The following ADAM12 variants were observed in gnomAD, a reference collection of about 807,000 sequenced individuals.
ADAM12 encodes disintegrin and metalloproteinase domain-containing protein 12.
A neutral mutation model predicts 106.4 loss-of-function variants in ADAM12; 70 were observed. That is an observed-to-expected ratio of 0.66 (90% CI 0.54 to 0.80). The LOEUF is 0.80. Ranked by LOEUF, ADAM12 falls within the 30% of genes least tolerant of loss-of-function variation. The probability of loss-of-function intolerance (pLI) is 0.00; values close to 1 mark genes in which losing one functional copy is unlikely to be tolerated. For synonymous variants in ADAM12, 420 were observed against 433.5 expected (o/e 0.97, Z 0.39); for missense variants, 1,010 against 1,171.9 (o/e 0.86, Z 2.02).
intron 1 of ADAM12, among the ~76,000 whole-genome samples, chr10:126,346,923 C>T (rs1043039767): frequency 1.3e-5 from 2 of 152,174 alleles, no homozygotes; most frequent in African/African-American, 4.8e-5. Flanking sequence ...TGTCTCTGCA[C>T]ATGAGATGGG....
chr10:126,232,139 A>G (rs1958324646), intron 3 of ADAM12, among the ~76,000 whole-genome samples: 1 of 152,226 alleles, frequency 6.6e-6, no homozygotes, highest in Admixed American at 6.5e-5. Context: ...TACCAAAAGG[A>G]CTTTGCTGAT....
In ADAM12 at chr10:126,312,000, G is replaced by A. The variant is rs139461215; in HGVS notation, c.186+18412C>T. Reference sequence around the variant, plus strand: ...TGGGGACCCTCTATTTGCAATTGGCGTCTGAAGTGGAGCATCTTGTGGGAT... The same window carrying A: ...TGGGGACCCTCTATTTGCAATTGGCATCTGAAGTGGAGCATCTTGTGGGAT... On this transcript the variant is annotated intron_variant, in intron 2 of 22. Transcript: ENST00000448723. 1.4e-3 allele frequency among the ~76,000 whole-genome samples: 216 copies of A among 152,148 alleles called. 2 individuals are homozygous for A. The highest frequency in any genetic ancestry group is 4.3e-3 in the African/African-American group (179 of 41,504).
chr10:126,123,802 G>A (rs1019637642), intron 5 of ADAM12, among the ~76,000 whole-genome samples: 5 of 152,254 alleles, frequency 3.3e-5, no homozygotes, highest in Non-Finnish European at 7.3e-5. Flanking sequence ...GAAAAAAGCA[G>A]AATTAAAAAT....
In ADAM12 at chr10:126,266,257, G is replaced by T. The variant is rs555123192; in HGVS notation, c.260+12658C>A. ...GGGGGCCCTCCCATTGCTGATGCTGGGGAGAATGGAAATGGGGGTATCTAA... is the reference window on the plus strand; with the variant it reads ...GGGGGCCCTCCCATTGCTGATGCTGTGGAGAATGGAAATGGGGGTATCTAA... On this transcript the variant is annotated intron_variant, in intron 3 of 22. Coordinates refer to ENST00000448723, the MANE Select transcript of ADAM12 (RefSeq NM_001288973.2). Among the ~76,000 whole-genome samples the T allele has an allele frequency of 1.5e-4, 23 of 152,276 alleles. 1 individual carries two copies. In the South Asian group the frequency reaches 4.8e-3, roughly 32 times the overall value.
intron 19 of ADAM12, 91 bp downstream of exon 19, chr10:126,039,203 T>C: frequency 6.7e-7 from 1 of 1,492,970 alleles, no homozygotes. Flanking sequence ...CGCCTCAGCC[T>C]CCCAAAGTGC....
intron 1 of ADAM12, among the ~76,000 whole-genome samples, chr10:126,386,027 C>T (rs1052102102): frequency 2.0e-4 from 31 of 151,964 alleles, no homozygotes; most frequent in African/African-American, 7.0e-4. Flanking sequence ...AGGCACACTT[C>T]GGGATGTAAG....
chr10:126,188,407 C>T (rs1008623503), intron 3 of ADAM12, among the ~76,000 whole-genome samples: 2 of 152,164 alleles, frequency 1.3e-5, no homozygotes, highest in South Asian at 2.1e-4. Context: ...AAACGTGCAT[C>T]GAAATTCCTT....
intron 3 of ADAM12, among the ~76,000 whole-genome samples, chr10:126,169,165 G>C (rs1957076313): frequency 6.6e-6 from 1 of 152,112 alleles, no homozygotes; most frequent in Non-Finnish European, 1.5e-5. Flanking sequence ...GGTTTCCCAA[G>C]TCCACCACCC....
intron 5 of ADAM12, among the ~76,000 whole-genome samples, chr10:126,120,954 AATAT>A (rs1491214727): frequency 7.2e-6 from 1 of 137,968 alleles, no homozygotes; most frequent in Non-Finnish European, 1.5e-5. Context: ...TATGTAATAT[AATAT>A]ATATTATATA....
chr10:126,162,620 G>A (rs1956956149), intron 3 of ADAM12, among the ~76,000 whole-genome samples: 1 of 152,098 alleles, frequency 6.6e-6, no homozygotes, highest in African/African-American at 2.4e-5. Flanking sequence ...AGACTTGGAG[G>A]GGAAAGAGAA....
intron 3 of ADAM12, among the ~76,000 whole-genome samples, chr10:126,251,950 G>C (rs1958783849): frequency 6.6e-6 from 1 of 150,518 alleles, no homozygotes; most frequent in Non-Finnish European, 1.5e-5. Context: ...GGGATGATGG[G>C]ATGGATAGAA....
At chr10:126,031,806 C>T (rs1953975660) in intron 21 of ADAM12, among the ~76,000 whole-genome samples, 1 of 151,978 alleles carries the variant, frequency 6.6e-6, no homozygotes, top group East Asian at 1.9e-4. Context: ...CTGAAGATCT[C>T]CACCTCTGCA....
rs1244441932 is a variant in ADAM12, at chr10:126,315,812, A to G, written c.186+14600T>C. Among the ~76,000 whole-genome samples, 7 of 152,218 alleles carry G rather than the reference A, an allele frequency of 4.6e-5. No individual in the cohort carries two copies. In the East Asian group the frequency reaches 1.3e-3, roughly 29 times the overall value. ...TTTCCACAGCAGATCCAGACATGAA[A>G]ATCGCAGGACAGCAAATGCCCACTC... On this transcript the variant is annotated intron_variant, in intron 2 of 22. Coordinates refer to ENST00000448723, the MANE Select transcript of ADAM12 (RefSeq NM_001288973.2).
At chr10:126,104,146 C>T (rs1955719593) in intron 8 of ADAM12, among the ~76,000 whole-genome samples, 2 of 152,056 alleles carry the variant, frequency 1.3e-5, no homozygotes, top group Non-Finnish European at 2.9e-5. Flanking sequence ...GTGAAAATAT[C>T]CTAAGAAATT....
At chr10:126,069,422 G>A (rs891195969) in intron 12 of ADAM12, among the ~76,000 whole-genome samples, 3 of 152,322 alleles carry the variant, frequency 2.0e-5, no homozygotes, top group Non-Finnish European at 4.4e-5. Flanking sequence ...CTTAACCGCA[G>A]AAATACAAAG....
intron 22 of ADAM12, 95 bp downstream of exon 22, chr10:126,019,600 T>A (rs745938889): frequency 6.6e-7 from 1 of 1,503,860 alleles, no homozygotes; most frequent in Non-Finnish European, 9.0e-7. Context: ...AAGCACGGCC[T>A]AGACCACTGC....
At chr10:126,041,446 G>T in intron 18 of ADAM12, 3 of 985,634 alleles carry the variant, frequency 3.0e-6, no homozygotes, top group Non-Finnish European at 3.6e-6. Flanking sequence ...TAAATGAAGG[G>T]TTGGTGACTC....
chr10:126,262,770 T>C (rs1959026758), intron 3 of ADAM12, among the ~76,000 whole-genome samples: 1 of 152,144 alleles, frequency 6.6e-6, no homozygotes, highest in South Asian at 2.1e-4. Context: ...TGCCATTATA[T>C]ATAAGAGTAT....
intron 1 of ADAM12, among the ~76,000 whole-genome samples, chr10:126,367,008 T>C (rs182728188): frequency 2.6e-5 from 4 of 152,200 alleles, no homozygotes; most frequent in Admixed American, 2.0e-4. Context: ...CAATAATTGA[T>C]AGAAATAACA....
Sources: gnomAD v4.1 joint callset for allele counts (sites outside exome capture counted in the v4.1 genomes callset) on GRCh38, gnomAD v4.1.1 for gene constraint, MANE v1.5 for transcripts, NCBI Gene and HGNC (gene_info 2026-07-23, HGNC 2026-07-21) for gene names.